Variants in MYO7B observed in about 807,000 individuals in gnomAD.
MYO7B encodes the protein unconventional myosin-VIIb.
Under a neutral mutation model 259.7 loss-of-function variants are expected in MYO7B, and 212 were observed. The ratio of observed to expected loss-of-function variants is 0.82; its 90% confidence interval spans 0.73 to 0.91. MYO7B has a LOEUF of 0.91. Ranked by LOEUF, MYO7B falls within the 40% of genes least tolerant of loss-of-function variation. The pLI is 0.00. For synonymous variants in MYO7B, 1,197 were observed against 1,166.4 expected, an observed-to-expected ratio of 1.03 and a Z score of -0.54; for missense variants, 2,732 against 2,813.5, an observed-to-expected ratio of 0.97 and a Z score of 0.66.
rs138662794 is a variant in MYO7B at position 127,626,798 on chromosome 2, T to C, written c.4216-177T>C. The C allele has an allele frequency of 1.5e-4, 89 of 592,958 alleles. No individual in the cohort carries two copies. In the African/African-American group the frequency reaches 1.6e-3, roughly 10 times the overall value. 36.7% of individuals were successfully genotyped at this position (592,958 alleles called of 1,614,324 possible). Reference sequence around the variant, plus strand: ...TGTCTCAAAAAAGAAAAAAAAAGGATAGGGCTGCACCAGTCCCTGGGGACG... The same window carrying C: ...TGTCTCAAAAAAGAAAAAAAAAGGACAGGGCTGCACCAGTCCCTGGGGACG... On this transcript the variant is annotated intron_variant, in intron 31 of 47. Coordinates refer to ENST00000409816, the MANE Select transcript of MYO7B (RefSeq NM_001393586.1).
intron 1 of MYO7B, among the ~76,000 whole-genome samples, chr2:127,543,806 G>A (rs1280589133): frequency 6.6e-6 from 1 of 151,136 alleles, no homozygotes; most frequent in Non-Finnish European, 1.5e-5. Flanking sequence ...GTGCAGTGGC[G>A]CGATCTTGCC....
At chr2:127,566,617 G>A in intron 4 of MYO7B, 26 bp from the exon 5 acceptor site, 1 of 1,540,572 alleles carries the variant, frequency 6.5e-7, no homozygotes, top group South Asian at 1.2e-5. Context: ...GGGGCAGAGG[G>A]CACTGACCAC....
At position 127,628,380 on chromosome 2, in the gene MYO7B, A is replaced by AT. The variant is rs1681267764; in HGVS notation, c.4469_4470insT (p.Gln1490HisfsTer13). The AT allele has an allele frequency of 6.2e-7, 1 of 1,600,408 alleles. No homozygotes were observed. The highest frequency in any genetic ancestry group is 1.3e-5 in the African/African-American group (1 of 74,814). On this transcript the variant is annotated frameshift_variant, in exon 34 of 48. Transcript: ENST00000409816. LOFTEE classifies it high-confidence loss of function. This position sits in a 1 kb window ranked among gnomAD's most constrained non-coding sequence, Gnocchi z 4.8. ...CTGTCCTTCATCTCCAGGGAGGCCC[A>AT]GGGCGGGCAGAGGCTGCTGCTCTCC...
intron 42 of MYO7B, 74 bp from the exon 43 acceptor site, chr2:127,635,046 T>TG (rs1053313552): frequency 7.5e-5 from 90 of 1,204,254 alleles, no homozygotes; most frequent in Non-Finnish European, 1.0e-4. Flanking sequence ...AGGCGCAGTG[T>TG]GGGGGGTGGC....
At chr2:127,573,436 G>GA (rs1678730106) in intron 6 of MYO7B, among the ~76,000 whole-genome samples, 1 of 152,184 alleles carries the variant, frequency 6.6e-6, no homozygotes, top group African/African-American at 2.4e-5. Flanking sequence ...CCCTGGCCTG[G>GA]ACACGCTGTT....
At position 127,578,203 on chromosome 2, in the gene MYO7B, T is replaced by C; in HGVS notation, c.920T>C (p.Ile307Thr). The change falls in exon 9 of 48, where the codon ATC becomes ACC. Residue 307 changes from isoleucine (I) to threonine (T), a missense_variant. Around this residue, in one of 3 missense-constraint regions of MYO7B, gnomAD observed 1,906 missense variants for 2,026.4 expected, o/e 0.94. Coordinates refer to ENST00000409816, the MANE Select transcript of MYO7B (RefSeq NM_001393586.1). Reference sequence around the variant, plus strand: ...GCCCACATCCGCTCGGCCATGAAGATCCTCCAGTTCTCCGACTCCGAGAGC... The same window carrying C: ...GCCCACATCCGCTCGGCCATGAAGACCCTCCAGTTCTCCGACTCCGAGAGC... ...DYAHIRSAMK[I>T]LQFSDSESWD... 3 of 1,613,682 alleles carry C rather than the reference T, an allele frequency of 1.9e-6. No individual in the cohort carries two copies. The Admixed American group carries it at 5.0e-5, about 27-fold the overall frequency.
rs775767906 is a variant in MYO7B, at chr2:127,635,706, T to C, written c.5821-16T>C. The stretch of plus-strand genomic sequence containing the variant: ...GCAGCTGGAGACCCAGCATGCCCAG[T>C]GTGTCCATCACCCAGGAGCTGCCCA... On this transcript the variant is annotated splice_polypyrimidine_tract_variant and intron_variant, in intron 43 of 47. Transcript: ENST00000409816. The C allele has an allele frequency of 5.0e-6, 8 of 1,590,512 alleles. No homozygotes were observed. Among genetic ancestry groups the C allele is most frequent in the Non-Finnish European group, 6.8e-6 (8 of 1,168,424 alleles).
At chr2:127,551,324 A>G (rs1316745181) in intron 1 of MYO7B, among the ~76,000 whole-genome samples, 2 of 152,172 alleles carry the variant, frequency 1.3e-5, no homozygotes, top group Non-Finnish European at 2.9e-5. Flanking sequence ...TGGTGATCTG[A>G]AGCCACAACT....
chr2:127,605,405 G>A (rs1680124911), intron 19 of MYO7B, among the ~76,000 whole-genome samples: 1 of 152,172 alleles, frequency 6.6e-6, no homozygotes, highest in Non-Finnish European at 1.5e-5. Flanking sequence ...AGACCAAACT[G>A]GTCAACGTGG....
intron 1 of MYO7B, among the ~76,000 whole-genome samples, chr2:127,548,982 A>T (rs1221426303): frequency 6.6e-6 from 1 of 152,190 alleles, no homozygotes; most frequent in Non-Finnish European, 1.5e-5. Context: ...CTTTCTTGGC[A>T]GGTGCGTACA....
intron 19 of MYO7B, among the ~76,000 whole-genome samples, chr2:127,598,623 G>C (rs536712591): frequency 6.6e-6 from 1 of 152,144 alleles, no homozygotes; most frequent in African/African-American, 2.4e-5. Context: ...TTCATAGATC[G>C]TGCTTTTAGT....
chr2:127,553,900 TA>T (rs1356067860), intron 1 of MYO7B, among the ~76,000 whole-genome samples: 1 of 152,196 alleles, frequency 6.6e-6, no homozygotes, highest in Non-Finnish European at 1.5e-5. Flanking sequence ...GGATTTGTCA[TA>T]GATGGCTTTT....
chr2:127,584,191 C>T lies in MYO7B; in HGVS notation c.1413C>T (p.Thr471=), dbSNP rs1414251774. ...LQQFFVQHVF[T]MEQEEYRSEN... ...AGTTCTTTGTGCAGCACGTGTTCAC[C>T]ATGGAGCAAGAGGAGTACCGCTCGG... Residue 471 remains threonine, a synonymous_variant, in exon 13 of 48, where the codon ACC becomes ACT. Transcript: ENST00000409816. The surrounding 1 kb of genome is among the most constrained non-coding windows in gnomAD (Gnocchi z 5.8). The T allele has an allele frequency of 6.2e-7, 1 of 1,613,992 alleles. No homozygotes were observed. The highest frequency in any genetic ancestry group is 1.1e-5 in the South Asian group (1 of 91,082).
At chr2:127,625,566 C>T (rs746736015) in intron 31 of MYO7B, 31 bp downstream of exon 31, 13 of 1,551,554 alleles carry the variant, frequency 8.4e-6, no homozygotes, top group East Asian at 4.7e-5. Flanking sequence ...GGCACCCACC[C>T]GAGGGCTCTC....
At chr2:127,629,164 T>C (rs1264862912) in intron 34 of MYO7B, among the ~76,000 whole-genome samples, 1 of 152,292 alleles carries the variant, frequency 6.6e-6, no homozygotes, top group Non-Finnish European at 1.5e-5. Flanking sequence ...CAGAAGAGGC[T>C]GTGTGTGGGG....
intron 41 of MYO7B, 86 bp downstream of exon 41, chr2:127,634,375 C>G (rs1681681939): frequency 1.8e-6 from 2 of 1,091,222 alleles, no homozygotes; most frequent in Non-Finnish European, 2.6e-6. Flanking sequence ...CTCAGCCTAC[C>G]AGGGGCACCC....
intron 16 of MYO7B, among the ~76,000 whole-genome samples, chr2:127,592,425 T>G (rs1436107553): frequency 2.0e-5 from 3 of 152,110 alleles, no homozygotes; most frequent in African/African-American, 4.8e-5. Context: ...TTTAAAAAAT[T>G]TTTTTAAAAA....
chr2:127,628,382 G>T lies in MYO7B; in HGVS notation c.4471G>T (p.Gly1491Cys). The stretch of plus-strand genomic sequence containing the variant: ...GTCCTTCATCTCCAGGGAGGCCCAG[G>T]GCGGGCAGAGGCTGCTGCTCTCCAC... ...MGLATNREAQ[G>C]GQRLLLSTMH... The change falls in exon 34 of 48, where the codon GGC becomes TGC. Residue 1491 changes from glycine to cysteine, a missense_variant. By Grantham distance (159) the Gly-to-Cys change is radical (BLOSUM62 -3). Transcript: ENST00000409816. This position sits in a 1 kb window ranked among gnomAD's most constrained non-coding sequence, Gnocchi z 4.8. 6.2e-7 allele frequency: 1 copy of T among 1,600,704 alleles called. No individual in the cohort carries two copies. Among genetic ancestry groups the T allele is most frequent in the Non-Finnish European group, 8.5e-7 (1 of 1,175,786 alleles).
chr2:127,600,460 C>T (rs1483372031), intron 19 of MYO7B, among the ~76,000 whole-genome samples: 1 of 152,164 alleles, frequency 6.6e-6, no homozygotes, highest in African/African-American at 2.4e-5. Context: ...CCTGTAATCC[C>T]AGCACTTTGG....
Sources: gnomAD v4.1 joint callset for allele counts (sites outside exome capture counted in the v4.1 genomes callset) on GRCh38, gnomAD v4.1.1 for gene constraint, gnomAD v4.1.1 regional missense constraint, Gnocchi (gnomAD v3.1) non-coding constraint, MANE v1.5 for transcripts, NCBI Gene and HGNC (gene_info 2026-07-23, HGNC 2026-07-21) for gene names.